Variants in USP34 observed in about 807,000 individuals in gnomAD.
USP34 encodes the protein ubiquitin carboxyl-terminal hydrolase 34.
In USP34, 70 loss-of-function variants were observed where a neutral mutation model predicts 460.3. The ratio of observed to expected loss-of-function variants is 0.15; its 90% confidence interval spans 0.13 to 0.19. The LOEUF is 0.19. Ranked by LOEUF, USP34 falls within the 10% of genes least tolerant of loss-of-function variation. The pLI, the probability that USP34 is intolerant of heterozygous loss-of-function variation, is 1.00. For missense variants in USP34, 3,985 were observed against 4,236.2 expected (o/e 0.94, Z 1.65); for synonymous variants, 1,647 against 1,405.3 (o/e 1.17, Z -3.85).
intron 75 of USP34, among the ~76,000 whole-genome samples, chr2:61,195,273 T>C (rs1369563099): frequency 6.6e-6 from 1 of 151,568 alleles, no homozygotes; most frequent in Non-Finnish European, 1.5e-5. Context: ...CTCAAACTCC[T>C]GGCATAATTC....
At chr2:61,203,043 AG>A in intron 75 of USP34, 96 bp downstream of exon 75, 1 of 1,301,820 alleles carries the variant, frequency 7.7e-7, no homozygotes, top group Non-Finnish European at 1.0e-6. Flanking sequence ...CTTTAAAAAA[AG>A]AAAAAAAGGA....
chr2:61,190,859 A>T (rs1456159693), intron 76 of USP34: 3 of 538,482 alleles, frequency 5.6e-6, no homozygotes, highest in Non-Finnish European at 9.3e-6. Context: ...AAATGTTACT[A>T]ATTTAGATTA....
At chr2:61,387,412 C>T (rs1375897506) in intron 5 of USP34, among the ~76,000 whole-genome samples, 1 of 151,756 alleles carries the variant, frequency 6.6e-6, no homozygotes, top group East Asian at 1.9e-4. Flanking sequence ...CTGCAGTGAG[C>T]CAAGATCGCA....
At chr2:61,312,965 C>A (rs1690640116) in intron 25 of USP34, among the ~76,000 whole-genome samples, 1 of 152,124 alleles carries the variant, frequency 6.6e-6, no homozygotes, top group Admixed American at 6.6e-5. Context: ...CCTTAATACA[C>A]AGAACACAAA....
chr2:61,440,588 G>A (rs903056432), intron 1 of USP34, among the ~76,000 whole-genome samples: 7 of 149,256 alleles, frequency 4.7e-5, no homozygotes, highest in African/African-American at 9.9e-5. Flanking sequence ...CACAATCTCC[G>A]CTCACTGCAA....
intron 67 of USP34, among the ~76,000 whole-genome samples, chr2:61,218,954 T>C (rs2103803625): frequency 6.6e-6 from 1 of 152,350 alleles, no homozygotes; most frequent in East Asian, 1.9e-4. Context: ...ACCCCATTCC[T>C]TGGAAGAAAG....
At chr2:61,189,148 T>C in intron 78 of USP34, 79 bp from the exon 79 acceptor site, 2 of 1,432,986 alleles carry the variant, frequency 1.4e-6, no homozygotes, top group South Asian at 1.4e-5. Context: ...ATTGCAGATG[T>C]TTATTTTCCC....
intron 3 of USP34, among the ~76,000 whole-genome samples, chr2:61,397,270 C>G: frequency 6.7e-6 from 1 of 150,312 alleles, no homozygotes; most frequent in East Asian, 2.0e-4. Context: ...TACTGAAACC[C>G]TGTCTCTACT....
Position 61,392,338 on chromosome 2 carries a change from G to A in USP34, c.753+2515C>T, listed in dbSNP as rs1452499620. Among the ~76,000 whole-genome samples the A allele has an allele frequency of 2.6e-5, 4 of 152,108 alleles. 1 individual carries two copies. Among genetic ancestry groups the A allele is most frequent in the South Asian group, 2.1e-4 (1 of 4,812 alleles). ...CAAAAACAAAAACAAAACAAAGGCC[G>A]GGTGCGGTGGCTCAAGCCTGCAAGC... On this transcript the variant is annotated intron_variant, in intron 5 of 79. Transcript: ENST00000398571.
At chr2:61,284,398 T>G (rs1211912142) in intron 35 of USP34, among the ~76,000 whole-genome samples, 1 of 152,152 alleles carries the variant, frequency 6.6e-6, no homozygotes, top group East Asian at 1.9e-4. Context: ...GAAAGTTATC[T>G]CTGATGAAAA....
chr2:61,257,374 C>T, intron 44 of USP34, 24 bp from the exon 45 acceptor site: 1 of 1,536,662 alleles, frequency 6.5e-7, no homozygotes, highest in Non-Finnish European at 8.7e-7. Context: ...GGGGAACATT[C>T]TAAGTGTCAG....
At chr2:61,406,699 A>C (rs1693883136) in intron 2 of USP34, among the ~76,000 whole-genome samples, 1 of 108,298 alleles carries the variant, frequency 9.2e-6, no homozygotes, top group Admixed American at 1.1e-4. Context: ...ATATATGTGT[A>C]TTTAAAAAAA....
chr2:61,336,427 C>T (rs1572945386), intron 18 of USP34, among the ~76,000 whole-genome samples: 1 of 151,684 alleles, frequency 6.6e-6, no homozygotes, highest in Admixed American at 6.6e-5. Flanking sequence ...TACCTGGTCC[C>T]TTTTGGATCT....
chr2:61,294,820 G>A, intron 32 of USP34, 129 bp downstream of exon 32: 1 of 788,144 alleles, frequency 1.3e-6, no homozygotes, highest in Non-Finnish European at 2.0e-6. Context: ...AGTAATACAT[G>A]ATTTTTAAAC....
rs180963865 is a variant in USP34, at chr2:61,244,354, G to A, written c.6627+856C>T. Among the ~76,000 whole-genome samples, 19 of 152,212 alleles carry A rather than the reference G, an allele frequency of 1.2e-4. 1 individual carries two copies. The East Asian group carries it at 3.7e-3, about 29-fold the overall frequency. The stretch of plus-strand genomic sequence containing the variant: ...TTGTTGGCTAGGTGCCATGGCTCAC[G>A]TCTGTGATCCCAGCACTTCGGAGGC... On this transcript the variant is annotated intron_variant, in intron 51 of 79. Coordinates refer to ENST00000398571, the MANE Select transcript of USP34 (RefSeq NM_014709.4).
chr2:61,453,520 G>A (rs1184441862), intron 1 of USP34, among the ~76,000 whole-genome samples: 1 of 151,494 alleles, frequency 6.6e-6, no homozygotes, highest in African/African-American at 2.4e-5. Flanking sequence ...GACCAGCCTC[G>A]CCAATATGGT....
chr2:61,420,635 G>A (rs573775819), intron 2 of USP34, 111 bp downstream of exon 2: 1 of 561,464 alleles, frequency 1.8e-6, no homozygotes, highest in South Asian at 3.5e-5. Flanking sequence ...CTGTCATTTA[G>A]TAACTAATGG....
Position 61,380,238 on chromosome 2 carries a change from T to A in USP34, c.945A>T (p.Leu315=). The A allele has an allele frequency of 6.2e-7, 1 of 1,614,184 alleles. No individual in the cohort carries two copies. Among genetic ancestry groups the A allele is most frequent in the Non-Finnish European group, 8.5e-7 (1 of 1,180,022 alleles). The change falls in exon 7 of 80, where the codon CTA becomes CTT. Residue 315 remains leucine, a synonymous_variant. Transcript: ENST00000398571. ...ACATAAAGTACTTAAATGCAAGATC[T>A]AGGCTTTCTTTATCAAAGCATAATG... ...DTTLCFDKES[L]DLAFKYFMSP...
Position 61,214,554 on chromosome 2 carries a change from C to G in USP34, c.8188G>C (p.Val2730Leu), listed in dbSNP as rs748425971. 6.2e-7 allele frequency: 1 copy of G among 1,613,408 alleles called. No homozygotes were observed. The highest frequency in any genetic ancestry group is 1.3e-5 in the African/African-American group (1 of 74,906). Residue 2730 changes from valine (V) to leucine (L), a missense_variant, in exon 68 of 80, where the codon GTG (valine) becomes CTG (leucine). Val to Leu is a conservative substitution (Grantham distance 32, BLOSUM62 1). Around this residue, in one of 14 missense-constraint regions of USP34, gnomAD observed 604 missense variants for 684.8 expected, o/e 0.88. Coordinates refer to ENST00000398571, the MANE Select transcript of USP34 (RefSeq NM_014709.4). ...GCTCTTGAGAGCAAACCAAGGAGCA[C>G]GTTGTAGACCTGATGTAGGACTACT... The part of the protein sequence containing the change: ...TTVVLHQVYN[V>L]LLGLLSRAKL...
Sources: gnomAD v4.1 joint callset for allele counts (sites outside exome capture counted in the v4.1 genomes callset) on GRCh38, gnomAD v4.1.1 for gene constraint, gnomAD v4.1.1 regional missense constraint, MANE v1.5 for transcripts, NCBI Gene and HGNC (gene_info 2026-07-23, HGNC 2026-07-21) for gene names.